Variants in VPS53 observed in about 807,000 individuals in gnomAD.
VPS53 encodes vacuolar protein sorting-associated protein 53 homolog.
VPS53 carries 70 observed loss-of-function variants against 107.0 expected under a neutral mutation model. The ratio of observed to expected loss-of-function variants is 0.65; its 90% CI spans 0.54 to 0.80. The LOEUF is 0.80. Ranked by LOEUF, VPS53 falls within the 30% of genes least tolerant of loss-of-function variation. VPS53 has a pLI of 0.00. For synonymous variants in VPS53, 409 were observed against 393.3 expected, an observed-to-expected ratio of 1.04 and a Z score of -0.47; for missense variants, 917 against 1,049.4, an observed-to-expected ratio of 0.87 and a Z score of 1.74.
intron 7 of VPS53, among the ~76,000 whole-genome samples, chr17:633,287 C>T (rs978726492): frequency 4.6e-5 from 7 of 152,176 alleles, no homozygotes; most frequent in Non-Finnish European, 7.3e-5. Flanking sequence ...CACCGTGCAC[C>T]GGCCAGCCTT....
In VPS53 at chr17:649,703, A is replaced by G. The variant is rs552644498; in HGVS notation, c.608+3588T>C. Among the ~76,000 whole-genome samples the G allele has an allele frequency of 6.6e-5, 10 of 152,168 alleles. No individual in the cohort carries two copies. The East Asian group carries it at 1.9e-3, about 29-fold the overall frequency. On this transcript the variant is annotated intron_variant, in intron 7 of 21. Coordinates refer to ENST00000437048, the MANE Select transcript of VPS53 (RefSeq NM_001128159.3). ...TTACACTGGAGGACAGAGGAATGGAACACGCACTGAAGATCTTACACTGGA... is the reference window on the plus strand; with the variant it reads ...TTACACTGGAGGACAGAGGAATGGAGCACGCACTGAAGATCTTACACTGGA...
intron 6 of VPS53, among the ~76,000 whole-genome samples, 159 bp downstream of exon 6, chr17:655,679 C>A (rs1347475820): frequency 6.6e-6 from 1 of 152,164 alleles, no homozygotes; most frequent in Non-Finnish European, 1.5e-5. Context: ...CACCAGAGGG[C>A]ACAAAGCAAA....
At position 509,319 on chromosome 17, in the gene VPS53, A is replaced by G. The variant is rs1256750736; in HGVS notation, c.*9809T>C. 2 of 154,592 alleles carry G rather than the reference A, an allele frequency of 1.3e-5. No individual in the cohort carries two copies. Among genetic ancestry groups the G allele is most frequent in the Non-Finnish European group, 2.8e-5 (2 of 71,830 alleles). 9.6% of individuals were successfully genotyped at this position (154,592 alleles called of 1,614,324 possible). A position where few individuals can be genotyped will look rare whatever the true frequency, so the allele number is the denominator to read the frequency against. On this transcript the variant is annotated 3_prime_UTR_variant, in exon 22 of 22. Transcript: ENST00000437048. ...CTGGCTGACCCCTCACTAGGTACAT[A>G]TCGAATCCTGGCTCACCCCTCACTA...
At position 520,530 on chromosome 17, in the gene VPS53, A is replaced by AGTTAAG. The variant is rs1393161386; in HGVS notation, c.2224-601_2224-600insCTTAAC. Among the ~76,000 whole-genome samples the AGTTAAG allele has an allele frequency of 3.9e-5, 6 of 152,350 alleles. No individual in the cohort carries two copies. The South Asian group carries it at 1.0e-3, about 26-fold the overall frequency. The stretch of plus-strand genomic sequence containing the variant: ...ATGTAACGACTAACTTAAACTATCA[A>AGTTAAG]TTAACATACAAACAAAGGAAAGGAA... On this transcript the variant is annotated intron_variant, in intron 20 of 21. Transcript: ENST00000437048. This position sits in a 1 kb window ranked among gnomAD's most constrained non-coding sequence, Gnocchi z 4.4.
chr17:585,336 C>T (rs1444764872), intron 13 of VPS53, among the ~76,000 whole-genome samples: 2 of 152,176 alleles, frequency 1.3e-5, no homozygotes, highest in African/African-American at 4.8e-5. Flanking sequence ...CTGGCCAGTA[C>T]ACACTGAGGT....
At position 520,211 on chromosome 17, in the gene VPS53, G is replaced by A. The variant is rs765250033; in HGVS notation, c.2224-281C>T. ...TTTGCTGAATCCTAAATACACCTGCGCTGCTGTTTGAAGTATGGGTTTCCG... is the reference window on the plus strand; with the variant it reads ...TTTGCTGAATCCTAAATACACCTGCACTGCTGTTTGAAGTATGGGTTTCCG... On this transcript the variant is annotated intron_variant, in intron 20 of 21. Coordinates refer to ENST00000437048, the MANE Select transcript of VPS53 (RefSeq NM_001128159.3). The surrounding 1 kb of genome is among the most constrained non-coding windows in gnomAD (Gnocchi z 4.4). Among the ~76,000 whole-genome samples, 1 of 152,080 alleles carries A rather than the reference G, an allele frequency of 6.6e-6. No homozygotes were observed. The highest frequency in any genetic ancestry group is 2.4e-5 in the African/African-American group (1 of 41,412).
intron 12 of VPS53, among the ~76,000 whole-genome samples, chr17:589,360 A>C (rs1200638176): frequency 6.6e-6 from 1 of 152,152 alleles, no homozygotes; most frequent in Non-Finnish European, 1.5e-5. Context: ...ATTATAGATT[A>C]CTGTATGGAT....
At chr17:622,796 C>T (rs1969525646) in intron 11 of VPS53, among the ~76,000 whole-genome samples, 1 of 151,864 alleles carries the variant, frequency 6.6e-6, no homozygotes, top group South Asian at 2.1e-4. Context: ...AACTCCTGGG[C>T]TGAAGTGATC....
chr17:512,024 C>A lies in VPS53; in HGVS notation c.*7104G>T, dbSNP rs904516461. 6.6e-6 allele frequency: 1 copy of A among 152,282 alleles called. No individual in the cohort carries two copies. The highest frequency in any genetic ancestry group is 1.5e-5 in the Non-Finnish European group (1 of 68,070). The allele number at this position is 152,282 out of a possible 1,614,324, so 9.4% of individuals were successfully genotyped here. On this transcript the variant is annotated 3_prime_UTR_variant, in exon 22 of 22. Transcript: ENST00000437048. Reference sequence around the variant, plus strand: ...GGTTTATCCCTAAATGCTACGGAAGCAGCAGCTGCCAGGGGAAGGGGATAC... The same window carrying A: ...GGTTTATCCCTAAATGCTACGGAAGAAGCAGCTGCCAGGGGAAGGGGATAC...
rs73283549 is a variant in VPS53 at position 708,279 on chromosome 17, A to G, written c.168+2254T>C. Among the ~76,000 whole-genome samples, 1,501 of 152,272 alleles carry G rather than the reference A, an allele frequency of 9.9e-3. 25 individuals carry two copies. Among genetic ancestry groups the G allele is most frequent in the African/African-American group, 0.034 (1,404 of 41,540 alleles). On this transcript the variant is annotated intron_variant, in intron 2 of 21. Transcript: ENST00000437048. ...GGGTAAGGAGTGTGGGTCATCTCAA[A>G]TGATTGACAAGGTCAAGCAAGTCAC...
At chr17:613,864 G>A (rs1297957634) in intron 11 of VPS53, among the ~76,000 whole-genome samples, 3 of 152,222 alleles carry the variant, frequency 2.0e-5, no homozygotes, top group African/African-American at 4.8e-5. Context: ...TGAAAAAGTG[G>A]AAACCACCCG....
intron 4 of VPS53, among the ~76,000 whole-genome samples, chr17:684,448 T>A (rs1413381054): frequency 6.6e-6 from 1 of 152,212 alleles, no homozygotes; most frequent in Non-Finnish European, 1.5e-5. Flanking sequence ...GAGATACCAT[T>A]TATAATCATA....
chr17:639,888 CAA>C (rs1343569600), intron 7 of VPS53, among the ~76,000 whole-genome samples: 1 of 152,226 alleles, frequency 6.6e-6, no homozygotes, highest in Non-Finnish European at 1.5e-5. Flanking sequence ...TCTTAGATCT[CAA>C]ATTCTGTGCT....
chr17:615,308 G>A (rs1380398228), intron 11 of VPS53, among the ~76,000 whole-genome samples: 58 of 152,316 alleles, frequency 3.8e-4, no homozygotes, highest in Non-Finnish European at 2.8e-4. Context: ...TCTATCAAAT[G>A]TTGAAGTCAC....
chr17:594,531 C>T (rs1028235038), intron 12 of VPS53, among the ~76,000 whole-genome samples: 1 of 145,536 alleles, frequency 6.9e-6, no homozygotes, highest in Non-Finnish European at 1.5e-5. Context: ...ACTCTAGTGT[C>T]CCCCCTGGAG....
At chr17:592,218 C>T (rs1164627061) in intron 12 of VPS53, among the ~76,000 whole-genome samples, 1 of 152,040 alleles carries the variant, frequency 6.6e-6, no homozygotes, top group Non-Finnish European at 1.5e-5. Flanking sequence ...CAACCCCTGC[C>T]TTTTTTTGTT....
intron 17 of VPS53, among the ~76,000 whole-genome samples, chr17:539,731 C>T (rs747731637): frequency 2.0e-5 from 3 of 152,176 alleles, no homozygotes; most frequent in Non-Finnish European, 4.4e-5. Context: ...GGGTCACAAC[C>T]TGAACTGCCC....
chr17:673,127 A>C (rs1597470599), intron 4 of VPS53, among the ~76,000 whole-genome samples: 1 of 151,354 alleles, frequency 6.6e-6, no homozygotes, highest in African/African-American at 2.4e-5. Flanking sequence ...AAAAACAAAA[A>C]CAAAAACAAA....
intron 2 of VPS53, among the ~76,000 whole-genome samples, chr17:704,104 GT>G (rs1973313600): frequency 6.6e-6 from 1 of 152,014 alleles, no homozygotes; most frequent in Non-Finnish European, 1.5e-5. Flanking sequence ...TTTTGTATTA[GT>G]TTTCCATAAA....
Sources: gnomAD v4.1 joint callset for allele counts (sites outside exome capture counted in the v4.1 genomes callset) on GRCh38, gnomAD v4.1.1 for gene constraint, Gnocchi (gnomAD v3.1) non-coding constraint, MANE v1.5 for transcripts, NCBI Gene and HGNC (gene_info 2026-07-23, HGNC 2026-07-21) for gene names.